The following SORCS2 variants were observed in gnomAD, a reference collection of about 807,000 sequenced individuals.
The protein encoded by SORCS2 is sortilin related VPS10 domain containing receptor 2.
A neutral mutation model predicts 141.6 loss-of-function variants in SORCS2; 100 were observed. The observed-to-expected ratio is 0.71, with a 90% CI of 0.60 to 0.83. The LOEUF is 0.83. SORCS2 is among the 40% of genes least tolerant of loss of function. The probability of loss-of-function intolerance (pLI) is 0.00; values close to 1 mark genes in which losing one functional copy is unlikely to be tolerated. For missense variants in SORCS2, 1,646 were observed against 1,560.2 expected (o/e 1.05, Z -0.93); for synonymous variants, 789 against 676.9 (o/e 1.17, Z -2.57).
intron 1 of SORCS2, among the ~76,000 whole-genome samples, chr4:7,239,013 C>T (rs182518680): frequency 6.6e-6 from 1 of 152,246 alleles, no homozygotes; most frequent in Non-Finnish European, 1.5e-5. Context: ...GCCCACGTCC[C>T]TGTGGAGTTC....
At chr4:7,426,738 T>C (rs1726469645) in intron 2 of SORCS2, among the ~76,000 whole-genome samples, 1 of 152,150 alleles carries the variant, frequency 6.6e-6, no homozygotes, top group Non-Finnish European at 1.5e-5. Flanking sequence ...ACTTATGGGA[T>C]GCCTGAGGCT....
At chr4:7,669,829 C>A (rs537298017) in intron 8 of SORCS2, among the ~76,000 whole-genome samples, 1 of 152,334 alleles carries the variant, frequency 6.6e-6, no homozygotes, top group Admixed American at 6.5e-5. Flanking sequence ...GGGTCTCCAG[C>A]CTGCTTTCAC....
Position 7,725,932 on chromosome 4 carries a change from G to C in SORCS2, c.2745+645G>C, listed in dbSNP as rs796423771. ...CTGGATTGTGTTTCTCTAGAATGGG[G>C]AGGGTCTGAGAAGGAGCTCAGGGTC... On this transcript the variant is annotated intron_variant, in intron 20 of 26. Coordinates refer to ENST00000507866, the MANE Select transcript of SORCS2 (RefSeq NM_020777.3). Among the ~76,000 whole-genome samples the C allele has an allele frequency of 6.4e-4, 97 of 152,374 alleles. 1 individual carries two copies. Among genetic ancestry groups the C allele is most frequent in the African/African-American group, 2.3e-3 (94 of 41,590 alleles).
intron 10 of SORCS2, among the ~76,000 whole-genome samples, chr4:7,685,223 T>C (rs552044445): frequency 1.3e-4 from 20 of 152,372 alleles, no homozygotes; most frequent in Middle Eastern, 3.4e-3. Flanking sequence ...AGTGAGGAGA[T>C]AACCTCGGTG....
intron 2 of SORCS2, among the ~76,000 whole-genome samples, chr4:7,512,921 T>G (rs1158328077): frequency 6.6e-6 from 1 of 152,152 alleles, no homozygotes; most frequent in Non-Finnish European, 1.5e-5. Flanking sequence ...CCGTATTTCT[T>G]CCTTTTTCTT....
intron 3 of SORCS2, among the ~76,000 whole-genome samples, chr4:7,617,539 G>A (rs1718847192): frequency 1.3e-5 from 2 of 152,198 alleles, no homozygotes; most frequent in South Asian, 4.1e-4. Flanking sequence ...CTACTATCCT[G>A]ACGTAGAGTA....
intron 2 of SORCS2, among the ~76,000 whole-genome samples, chr4:7,449,687 C>T (rs1369797510): frequency 1.3e-5 from 2 of 152,002 alleles, no homozygotes; most frequent in African/African-American, 4.8e-5. Context: ...CCCACATCCT[C>T]CTCTTCCATG....
intron 23 of SORCS2, 28 bp downstream of exon 23, chr4:7,729,740 G>T: frequency 6.2e-7 from 1 of 1,602,500 alleles, no homozygotes; most frequent in Non-Finnish European, 8.5e-7. Flanking sequence ...TGCACTCCCA[G>T]GTCCTCCCTG....
intron 1 of SORCS2, among the ~76,000 whole-genome samples, chr4:7,277,705 C>T (rs1715595048): frequency 1.3e-5 from 2 of 152,206 alleles, no homozygotes; most frequent in East Asian, 1.9e-4. Flanking sequence ...GGGTGGCCGT[C>T]TGCCCTGGCC....
chr4:7,316,212 T>TTCCATCCATCCA lies in SORCS2; in HGVS notation c.481-80046_481-80035dup, dbSNP rs376660766. Among the ~76,000 whole-genome samples, 193 of 150,630 alleles carry TTCCATCCATCCA rather than the reference T, an allele frequency of 1.3e-3. 2 individuals are homozygous for TTCCATCCATCCA. Among genetic ancestry groups the TTCCATCCATCCA allele is most frequent in the Non-Finnish European group, 1.6e-3 (111 of 67,694 alleles). On this transcript the variant is annotated intron_variant, in intron 1 of 26. Transcript: ENST00000507866. The stretch of plus-strand genomic sequence containing the variant: ...CATCCACCCATCCAGCTAGCTTTCC[T>TTCCATCCATCCA]TCCATCCATCCATCCATCCATCCAT...
intron 1 of SORCS2, among the ~76,000 whole-genome samples, chr4:7,330,660 C>T (rs962066899): frequency 3.3e-5 from 5 of 152,056 alleles, no homozygotes; most frequent in Non-Finnish European, 5.9e-5. Context: ...TCAATGCCCG[C>T]TGTGCTCTGC....
At chr4:7,327,893 C>T (rs1015255335) in intron 1 of SORCS2, among the ~76,000 whole-genome samples, 3 of 150,626 alleles carry the variant, frequency 2.0e-5, no homozygotes, top group Admixed American at 6.6e-5. Flanking sequence ...GATGCCTGTT[C>T]TTGTCCCCCT....
chr4:7,330,260 T>C (rs1719567370), intron 1 of SORCS2, among the ~76,000 whole-genome samples: 1 of 152,018 alleles, frequency 6.6e-6, no homozygotes, highest in Non-Finnish European at 1.5e-5. Context: ...CCTAATCACA[T>C]CTGCAAAAGC....
chr4:7,361,940 C>T (rs546292556), intron 1 of SORCS2, among the ~76,000 whole-genome samples: 1 of 152,018 alleles, frequency 6.6e-6, no homozygotes, highest in South Asian at 2.1e-4. Context: ...GTAGTCCTAC[C>T]CCAGGAGGGG....
chr4:7,339,103 T>TGGATGTGAACTGTGGCCC (rs1212976985), intron 1 of SORCS2, among the ~76,000 whole-genome samples: 2 of 152,222 alleles, frequency 1.3e-5, no homozygotes, highest in Admixed American at 6.5e-5. Context: ...CGCCGTGGCC[T>TGGATGTGAACTGTGGCCC]GGATGTGAAC....
rs192223908 is a variant in SORCS2, at chr4:7,361,403, G to A, written c.481-34885G>A. Among the ~76,000 whole-genome samples the A allele has an allele frequency of 1.1e-3, 166 of 152,312 alleles. 2 individuals are homozygous for A. The highest frequency in any genetic ancestry group is 3.6e-3 in the African/African-American group (151 of 41,564). On this transcript the variant is annotated intron_variant, in intron 1 of 26. Coordinates refer to ENST00000507866, the MANE Select transcript of SORCS2 (RefSeq NM_020777.3). Reference sequence around the variant, plus strand: ...ACAGCGCACTCCTTGGGAAGTGAACGCCTACAGCTGTTGCCCAAATTAGCA... The same window carrying A: ...ACAGCGCACTCCTTGGGAAGTGAACACCTACAGCTGTTGCCCAAATTAGCA...
chr4:7,652,774 G>A (rs1051479085), intron 4 of SORCS2, among the ~76,000 whole-genome samples: 4 of 151,770 alleles, frequency 2.6e-5, no homozygotes, highest in African/African-American at 7.3e-5. Context: ...TACTTGAAAC[G>A]CTGTCTGACC....
chr4:7,680,320 G>A (rs1328304739), intron 9 of SORCS2, among the ~76,000 whole-genome samples: 1 of 152,174 alleles, frequency 6.6e-6, no homozygotes, highest in Non-Finnish European at 1.5e-5. Context: ...TCTCCCAGCC[G>A]CCGGCAGCTC....
At chr4:7,475,545 C>G (rs1185291964) in intron 2 of SORCS2, among the ~76,000 whole-genome samples, 1 of 152,176 alleles carries the variant, frequency 6.6e-6, no homozygotes, top group Non-Finnish European at 1.5e-5. Flanking sequence ...AGCCCAGCTG[C>G]CCCCCTCCTG....
Sources: allele counts gnomAD v4.1 joint callset (sites outside exome capture counted in the v4.1 genomes callset), GRCh38; gene constraint gnomAD v4.1.1; transcripts MANE v1.5; gene names NCBI Gene and HGNC (gene_info 2026-07-23, HGNC 2026-07-21).